Variants in PPEF1 observed in about 807,000 individuals in gnomAD.
PPEF1 encodes serine/threonine-protein phosphatase with EF-hands 1.
PPEF1 carries 12 observed loss-of-function variants against 53.3 expected under a neutral mutation model. That is an observed-to-expected ratio of 0.23 (90% CI 0.14 to 0.36). The LOEUF (loss-of-function observed/expected upper bound fraction) is 0.36, where lower values mean the gene tolerates loss of function less well. Among genes scored for constraint, PPEF1 ranks in the 10% least tolerant of loss-of-function variants. PPEF1 has a pLI of 1.00. For missense variants in PPEF1, 334 were observed against 490.4 expected (o/e 0.68, Z 3.01); for synonymous variants, 165 against 176.7 (o/e 0.93, Z 0.52).
chrX:18,727,564 C>T (rs1390580528), intron 1 of PPEF1, among the ~76,000 whole-genome samples: 1 of 110,626 alleles, frequency 9.0e-6, no homozygotes, highest in Non-Finnish European at 1.9e-5. Context: ...TTTCTGCACA[C>T]ACCAAGCAGC....
intron 3 of PPEF1, among the ~76,000 whole-genome samples, chrX:18,747,187 G>A (rs777099288): frequency 1.8e-4 from 20 of 111,545 alleles, no homozygotes; most frequent in African/African-American, 6.2e-4. Flanking sequence ...TCGCCAGTGT[G>A]GGGGAGATGC....
intron 6 of PPEF1, among the ~76,000 whole-genome samples, chrX:18,764,705 G>A (rs1195008281): frequency 3.6e-5 from 4 of 111,299 alleles, no homozygotes; most frequent in African/African-American, 1.3e-4. Context: ...AAGGAGGAGG[G>A]GGCAGGGCAT....
intron 4 of PPEF1, among the ~76,000 whole-genome samples, chrX:18,756,151 A>C (rs1230182877): frequency 9.0e-6 from 1 of 110,808 alleles, no homozygotes; most frequent in Non-Finnish European, 1.9e-5. Flanking sequence ...TTTTATTTCA[A>C]CTAAAAAAAT....
At chrX:18,743,235 A>C (rs914096465) in intron 3 of PPEF1, among the ~76,000 whole-genome samples, 1 of 111,130 alleles carries the variant, frequency 9.0e-6, no homozygotes, top group Non-Finnish European at 1.9e-5. Context: ...GCTTTATTAG[A>C]TACTGGCAGA....
At chrX:18,779,913 T>G (rs1484639593) in intron 7 of PPEF1, among the ~76,000 whole-genome samples, 3 of 111,975 alleles carry the variant, frequency 2.7e-5, no homozygotes, top group African/African-American at 9.7e-5. Context: ...CAGCAACTGA[T>G]TAGTTTTGTC....
At chrX:18,824,446 A>G (rs1253402109) in intron 14 of PPEF1, among the ~76,000 whole-genome samples, 1 of 110,084 alleles carries the variant, frequency 9.1e-6, no homozygotes, top group Admixed American at 9.7e-5. Context: ...TCTCAAAAAA[A>G]GAGAAGCTGG....
intron 7 of PPEF1, among the ~76,000 whole-genome samples, chrX:18,781,704 T>C (rs749404280): frequency 8.9e-6 from 1 of 111,771 alleles, no homozygotes; most frequent in South Asian, 3.8e-4. Flanking sequence ...AGTGAGTGTA[T>C]TGCATTTCAT....
intron 12 of PPEF1, among the ~76,000 whole-genome samples, chrX:18,807,801 G>A (rs972739458): frequency 1.7e-4 from 18 of 104,508 alleles, no homozygotes; most frequent in African/African-American, 6.0e-4. Context: ...CTGGGACTAC[G>A]GGCATGCCCC....
intron 6 of PPEF1, among the ~76,000 whole-genome samples, chrX:18,774,182 C>G (rs1179035571): frequency 9.0e-6 from 1 of 110,899 alleles, no homozygotes; most frequent in Non-Finnish European, 1.9e-5. Context: ...CTCCACCTCC[C>G]GGGTTCAAGC....
upstream of PPEF1, among the ~76,000 whole-genome samples, chrX:18,703,125 G>C (rs1048973854): frequency 9.0e-6 from 1 of 110,614 alleles, no homozygotes; most frequent in South Asian, 4.0e-4. Context: ...AAAGGCTCAC[G>C]CACTGCTTAC....
intron 3 of PPEF1, among the ~76,000 whole-genome samples, chrX:18,687,384 T>C (rs756088371): frequency 8.9e-6 from 1 of 111,740 alleles, no homozygotes; most frequent in Non-Finnish European, 1.9e-5. Flanking sequence ...ATTGGTGCTA[T>C]CTGTAGCCTC....
upstream of PPEF1, among the ~76,000 whole-genome samples, chrX:18,678,552 T>G (rs1459404706): frequency 8.9e-6 from 1 of 112,159 alleles, no homozygotes; most frequent in Non-Finnish European, 1.9e-5. Context: ...GGTCTGGTGC[T>G]CTCTCCAGTT....
At chrX:18,709,991 A>G (rs1355757256) in intron 1 of PPEF1, among the ~76,000 whole-genome samples, 1 of 111,437 alleles carries the variant, frequency 9.0e-6, no homozygotes, top group Non-Finnish European at 1.9e-5. Flanking sequence ...AAAGGTTTCA[A>G]TTTCTCCACA....
At chrX:18,813,875 T>C (rs2046854720) in intron 12 of PPEF1, among the ~76,000 whole-genome samples, 1 of 111,995 alleles carries the variant, frequency 8.9e-6, no homozygotes, top group South Asian at 3.7e-4. Flanking sequence ...AAGGAGTACA[T>C]GTGCAGATTT....
intron 5 of PPEF1, 145 bp from the exon 6 acceptor site, chrX:18,761,385 C>A (rs2045662026): frequency 4.0e-6 from 2 of 505,661 alleles, no homozygotes; most frequent in Admixed American, 2.9e-5. Flanking sequence ...GCTGTGGAGA[C>A]AAATTGCCTG....
chrX:18,704,035 C>T (rs1203484505), upstream of PPEF1, among the ~76,000 whole-genome samples: 2 of 108,140 alleles, frequency 1.8e-5, no homozygotes, highest in African/African-American at 6.8e-5. Flanking sequence ...GTGATCCTCC[C>T]ACCTCAGCCT....
chrX:18,729,967 C>T (rs2044798643), intron 1 of PPEF1, among the ~76,000 whole-genome samples: 1 of 112,187 alleles, frequency 8.9e-6, no homozygotes, highest in African/African-American at 3.2e-5. Flanking sequence ...AACTTCTGTT[C>T]CTAATGGCTG....
intron 11 of PPEF1, among the ~76,000 whole-genome samples, chrX:18,805,144 G>A (rs1301762383): frequency 3.7e-5 from 4 of 109,145 alleles, no homozygotes; most frequent in African/African-American, 1.3e-4. Context: ...CCGCCACTAC[G>A]TCCAGCTAAT....
chrX:18,769,121 A>G (rs892018297), intron 6 of PPEF1, among the ~76,000 whole-genome samples: 3 of 111,782 alleles, frequency 2.7e-5, no homozygotes, highest in South Asian at 3.7e-4. Context: ...TGTATCAGCT[A>G]GCACCTTAAT....
Sources: gnomAD v4.1 joint callset for allele counts (sites outside exome capture counted in the v4.1 genomes callset) on GRCh38, gnomAD v4.1.1 for gene constraint, MANE v1.5 for transcripts, NCBI Gene and HGNC (gene_info 2026-07-23, HGNC 2026-07-21) for gene names.